C9: variants seen among roughly 807,000 people sequenced by gnomAD.
C9 encodes complement C9.
In C9, 63 loss-of-function variants were observed where a neutral mutation model predicts 65.4. The ratio of observed to expected loss-of-function variants is 0.96; its 90% CI spans 0.79 to 1.19. The LOEUF (loss-of-function observed/expected upper bound fraction) is 1.19, where lower values mean the gene tolerates loss of function less well. Ranked by LOEUF, C9 falls within the 50% of genes most tolerant of loss-of-function variation. C9 has a pLI of 0.00. For missense variants in C9, 744 were observed against 670.1 expected (o/e 1.11, Z -1.22); for synonymous variants, 229 against 227.9 (o/e 1.00, Z -0.04).
intron 1 of C9, among the ~76,000 whole-genome samples, chr5:39,343,597 G>T (rs372514253): frequency 5.9e-5 from 9 of 152,224 alleles, no homozygotes; most frequent in African/African-American, 2.2e-4. Context: ...CACCTCTGGG[G>T]GTAGGGCATA....
chr5:39,297,918 T>G (rs1753213474), intron 9 of C9, among the ~76,000 whole-genome samples: 1 of 151,636 alleles, frequency 6.6e-6, no homozygotes, highest in Non-Finnish European at 1.5e-5. Flanking sequence ...CATAGGCATA[T>G]CTATGCCTTA....
rs114189468 is a variant in C9, at chr5:39,320,714, C to A, written c.616-4685G>T. On this transcript the variant is annotated intron_variant, in intron 5 of 10. Coordinates refer to ENST00000263408, the MANE Select transcript of C9 (RefSeq NM_001737.5). ...CCAAATAGACTATATATGAAGAGAT[C>A]TTCACTTAGACATATTATAATCAAA... is the stretch of plus-strand genomic sequence containing the variant. Among the ~76,000 whole-genome samples the A allele has an allele frequency of 5.3e-3, 802 of 152,162 alleles. 6 individuals are homozygous for A. Among genetic ancestry groups the A allele is most frequent in the African/African-American group, 0.018 (768 of 41,524 alleles).
At chr5:39,335,004 A>AG (rs1251377027) in intron 4 of C9, among the ~76,000 whole-genome samples, 1 of 151,666 alleles carries the variant, frequency 6.6e-6, no homozygotes, top group Non-Finnish European at 1.5e-5. Context: ...GAAAAAAAAA[A>AG]AAAGAAATAA....
intron 1 of C9, among the ~76,000 whole-genome samples, chr5:39,344,294 T>C (rs1321179413): frequency 1.3e-5 from 2 of 152,160 alleles, no homozygotes. Context: ...GACAAATGGC[T>C]AACTAGAATA....
chr5:39,340,918 T>G (rs1156757822), intron 4 of C9, among the ~76,000 whole-genome samples: 1 of 152,220 alleles, frequency 6.6e-6, no homozygotes, highest in Non-Finnish European at 1.5e-5. Flanking sequence ...CTTGATCATC[T>G]AGTCCACTCT....
chr5:39,291,843 G>C (rs1327823253), intron 9 of C9, among the ~76,000 whole-genome samples: 2 of 151,834 alleles, frequency 1.3e-5, no homozygotes, highest in South Asian at 4.1e-4. Flanking sequence ...GCAAAAGAAA[G>C]AATCAGTAAA....
intron 1 of C9, among the ~76,000 whole-genome samples, chr5:39,345,285 G>A (rs534572534): frequency 1.8e-4 from 28 of 152,294 alleles, no homozygotes; most frequent in Admixed American, 4.6e-4. Flanking sequence ...CCCATCTTAT[G>A]TGCAGAGACA....
At chr5:39,351,009 T>A (rs1410402784) in intron 1 of C9, among the ~76,000 whole-genome samples, 2 of 152,200 alleles carry the variant, frequency 1.3e-5, no homozygotes, top group Non-Finnish European at 2.9e-5. Flanking sequence ...TCCAGGCATT[T>A]CTATACATTC....
chr5:39,316,011 A>C lies in C9; in HGVS notation c.634T>G (p.Phe212Val), dbSNP rs760118971. The C allele has an allele frequency of 6.2e-7, 1 of 1,612,304 alleles. No individual in the cohort carries two copies. The highest frequency in any genetic ancestry group is 1.3e-5 in the African/African-American group (1 of 74,846). ...TGTTCTTCGTAATGTTCGGTTCTGA[A>C]ATTTTTCTCGCCTTTGGTCTAAAAG... ...LIYETKGEKN[F>V]RTEHYEEQIE... Residue 212 changes from phenylalanine (F) to valine (V), a missense_variant, in exon 6 of 11, where the codon TTC (phenylalanine) becomes GTC (valine). By Grantham distance (50) the Phe-to-Val change is conservative. Coordinates refer to ENST00000263408, the MANE Select transcript of C9 (RefSeq NM_001737.5).
chr5:39,306,787 T>C lies in C9; in HGVS notation c.1246A>G (p.Ile416Val), dbSNP rs560642308. 3 of 1,609,696 alleles carry C rather than the reference T, an allele frequency of 1.9e-6. No individual in the cohort carries two copies. The highest frequency in any genetic ancestry group is 2.6e-6 in the Non-Finnish European group (3 of 1,176,140). ...TCATCTATGAGGTTTTCACTGGTGA[T>C]GTTTACTGAGGAGAGAAGGAAGATT... ...VKRGEGRAVN[I>V]TSENLIDDVV... Residue 416 changes from isoleucine to valine, a missense_variant, in exon 9 of 11, where the codon ATC (isoleucine) becomes GTC (valine). Transcript: ENST00000263408.
intron 6 of C9, among the ~76,000 whole-genome samples, chr5:39,315,535 C>T (rs1443027182): frequency 6.6e-6 from 1 of 152,100 alleles, no homozygotes; most frequent in Non-Finnish European, 1.5e-5. Context: ...TCAAAAAATG[C>T]TCTAAATTCT....
chr5:39,287,783 T>C (rs1040743650), intron 10 of C9, among the ~76,000 whole-genome samples: 8 of 151,848 alleles, frequency 5.3e-5, no homozygotes, highest in African/African-American at 1.7e-4. Flanking sequence ...TGGGTATGTA[T>C]GGACATAAAG....
intron 4 of C9, among the ~76,000 whole-genome samples, chr5:39,337,010 G>A (rs560857077): frequency 1.3e-5 from 2 of 151,960 alleles, no homozygotes; most frequent in South Asian, 2.1e-4. Flanking sequence ...ATAGTAAAAT[G>A]TGAGTGTGAG....
intron 1 of C9, among the ~76,000 whole-genome samples, chr5:39,361,154 A>G (rs1026348465): frequency 1.3e-5 from 2 of 152,136 alleles, no homozygotes; most frequent in African/African-American, 4.8e-5. Flanking sequence ...AAAATAGTAT[A>G]TATAATATGA....
intron 4 of C9, among the ~76,000 whole-genome samples, chr5:39,333,160 T>G (rs1448915482): frequency 1.4e-5 from 2 of 142,048 alleles, no homozygotes; most frequent in Non-Finnish European, 3.0e-5. Flanking sequence ...TTGATTTATT[T>G]TTTTAAACAC....
At chr5:39,357,582 A>G (rs755341908) in intron 1 of C9, among the ~76,000 whole-genome samples, 7 of 152,240 alleles carry the variant, frequency 4.6e-5, no homozygotes, top group African/African-American at 9.6e-5. Flanking sequence ...ATGCTAGAAA[A>G]TACAACATGC....
rs1579870578 is a variant in C9, at chr5:39,341,188, C to G, written c.434G>C (p.Arg145Thr). The G allele has an allele frequency of 6.2e-7, 1 of 1,614,222 alleles. No individual in the cohort carries two copies. The highest frequency in any genetic ancestry group is 2.2e-5 in the East Asian group (1 of 44,880). ...ESEPRPPCRDRVVEESELART... is the reference protein window; with the variant it reads ...ESEPRPPCRDTVVEESELART... ...TGCCAGCTCAGACTCTTCTACCACT[C>G]TGTCTCTGCAGGGGGGACGGGGCTC... The change falls in exon 4 of 11, where the codon AGA becomes ACA. Residue 145 changes from arginine to threonine, a missense_variant. Physicochemically the swap from Arg to Thr is moderately conservative, Grantham distance 71. Transcript: ENST00000263408.
intron 3 of C9, 45 bp downstream of exon 3, chr5:39,341,511 A>G (rs1561350445): frequency 6.2e-7 from 1 of 1,603,522 alleles, no homozygotes; most frequent in Non-Finnish European, 8.5e-7. Flanking sequence ...TCATTCAGGA[A>G]GGCACACAGA....
chr5:39,356,920 G>A (rs1362925031), intron 1 of C9, among the ~76,000 whole-genome samples: 1 of 152,170 alleles, frequency 6.6e-6, no homozygotes. Flanking sequence ...TATTTGTAAA[G>A]CACTTTCTGG....
Sources: gnomAD v4.1 joint callset for allele counts (sites outside exome capture counted in the v4.1 genomes callset) on GRCh38, gnomAD v4.1.1 for gene constraint, MANE v1.5 for transcripts, NCBI Gene and HGNC (gene_info 2026-07-23, HGNC 2026-07-21) for gene names.